The following DENND4A variants were observed in gnomAD, a reference collection of about 807,000 sequenced individuals.
DENND4A encodes the protein DENN domain containing 4A, also known as C-myc promoter-binding protein.
In DENND4A, 70 loss-of-function variants were observed where a neutral mutation model predicts 199.3. That is an observed-to-expected ratio of 0.35 (90% CI 0.29 to 0.43). DENND4A has a LOEUF of 0.43. Ranked by LOEUF, DENND4A falls within the 20% of genes least tolerant of loss-of-function variation. DENND4A has a pLI of 1.00. For synonymous variants in DENND4A, 686 were observed against 766.9 expected (o/e 0.89, Z 1.74); for missense variants, 1,723 against 2,255.8 (o/e 0.76, Z 4.78).
chr15:65,694,282 C>T (rs1271056575), intron 22 of DENND4A, among the ~76,000 whole-genome samples: 1 of 152,114 alleles, frequency 6.6e-6, no homozygotes, highest in African/African-American at 2.4e-5. Flanking sequence ...AACTCCGTCT[C>T]TACTAAAAAT....
chr15:65,751,306 G>T (rs2076555417), intron 4 of DENND4A, among the ~76,000 whole-genome samples: 1 of 152,208 alleles, frequency 6.6e-6, no homozygotes, highest in African/African-American at 2.4e-5. Context: ...AGGTTTTTCA[G>T]TGTGAGTTAC....
chr15:65,716,714 A>G (rs866236556), intron 13 of DENND4A, among the ~76,000 whole-genome samples: 2 of 151,714 alleles, frequency 1.3e-5, no homozygotes, highest in Non-Finnish European at 2.9e-5. Context: ...ATACGTGTGC[A>G]TGTGTCTTTA....
chr15:65,668,186 G>A, intron 27 of DENND4A, 63 bp from the exon 28 acceptor site: 1 of 1,172,246 alleles, frequency 8.5e-7, no homozygotes, highest in Non-Finnish European at 1.2e-6. Context: ...TCATCAACAA[G>A]GATCATGTTC....
chr15:65,765,905 T>C (rs1246836247), intron 1 of DENND4A, among the ~76,000 whole-genome samples: 1 of 152,170 alleles, frequency 6.6e-6, no homozygotes, highest in Non-Finnish European at 1.5e-5. Context: ...ACAAAGTACA[T>C]ACGGCCAATG....
intron 23 of DENND4A, among the ~76,000 whole-genome samples, chr15:65,685,751 T>C (rs2076755400): frequency 6.6e-6 from 1 of 152,228 alleles, no homozygotes. Flanking sequence ...CATGCAGATA[T>C]CCAATTATCT....
Position 65,691,321 on chromosome 15 carries a change from A to G in DENND4A, c.3273T>C (p.Ile1091=), listed in dbSNP as rs774971484. The part of the protein sequence containing the change: ...GVLMGFMLNR[I]NQEATPGDIV... ...TATCTCCAGGGGTTGCTTCCTGGTTAATTCTATTGAGCATAAATCCCATCA... is the reference window on the plus strand; with the variant it reads ...TATCTCCAGGGGTTGCTTCCTGGTTGATTCTATTGAGCATAAATCCCATCA... Residue 1091 remains isoleucine, a synonymous_variant, in exon 23 of 33, where the codon ATT becomes ATC. Coordinates refer to ENST00000443035, the MANE Select transcript of DENND4A (RefSeq NM_001320835.1). 3 of 1,613,494 alleles carry G rather than the reference A, an allele frequency of 1.9e-6. No individual in the cohort carries two copies. The highest frequency in any genetic ancestry group is 3.3e-5 in the Admixed American group (2 of 59,900).
chr15:65,696,421 A>T lies in DENND4A; in HGVS notation c.3027T>A (p.Val1009=). The change falls in exon 22 of 33, where the codon GTT becomes GTA. Residue 1009 remains valine (V), a synonymous_variant. Transcript: ENST00000443035. Reference sequence around the variant, plus strand: ...TGTTGTTACTTGTACCAGTGAGGCGAACGATACTGGAAGAATTTTGATAAC... The same window carrying T: ...TGTTGTTACTTGTACCAGTGAGGCGTACGATACTGGAAGAATTTTGATAAC... ...KLSYQNSSSI[V]RLTGTSNNSA... 6.2e-7 allele frequency: 1 copy of T among 1,612,904 alleles called. No homozygotes were observed. Among genetic ancestry groups the T allele is most frequent in the Admixed American group, 1.7e-5 (1 of 59,902 alleles).
intron 23 of DENND4A, among the ~76,000 whole-genome samples, chr15:65,685,131 A>AT (rs755319285): frequency 0.022 from 2,967 of 136,298 alleles, 39 homozygotes; most frequent in African/African-American, 0.044. Context: ...CCCGCCCACA[A>AT]TTTTTTTTTT....
chr15:65,660,253 TTTAA>T lies in DENND4A; in HGVS notation c.*1594_*1597del. 1 of 1,529,690 alleles carries T rather than the reference TTTAA, an allele frequency of 6.5e-7. No individual in the cohort carries two copies. Among genetic ancestry groups the T allele is most frequent in the South Asian group, 1.2e-5 (1 of 83,936 alleles). The allele number at this position is 1,529,690 out of a possible 1,614,324, so 94.8% of individuals were successfully genotyped here. On this transcript the variant is annotated 3_prime_UTR_variant, in exon 33 of 33. Coordinates refer to ENST00000443035, the MANE Select transcript of DENND4A (RefSeq NM_001320835.1). ...CCCAAACTAACTGAAGTTTTACATT[TTTAA>T]ACTCTCTCCATTATTTCCCAGAGTT...
intron 23 of DENND4A, among the ~76,000 whole-genome samples, chr15:65,684,631 C>T (rs961329998): frequency 8.5e-5 from 13 of 152,100 alleles, no homozygotes; most frequent in South Asian, 2.1e-4. Flanking sequence ...ACAGAATTTG[C>T]GTATCTTTTC....
intron 2 of DENND4A, among the ~76,000 whole-genome samples, chr15:65,760,511 T>TA (rs2076826901): frequency 6.6e-6 from 1 of 150,528 alleles, no homozygotes; most frequent in Admixed American, 6.6e-5. Flanking sequence ...AATAAATAAA[T>TA]AAATAAATAA....
intron 8 of DENND4A, 47 bp downstream of exon 8, chr15:65,732,705 C>T (rs138017342): frequency 1.8e-6 from 2 of 1,090,762 alleles, no homozygotes; most frequent in East Asian, 2.4e-5. Context: ...TTTGACAGAG[C>T]CAATAACAAC....
At chr15:65,775,144 C>T (rs965359889) in intron 1 of DENND4A, among the ~76,000 whole-genome samples, 1 of 152,006 alleles carries the variant, frequency 6.6e-6, no homozygotes, top group Admixed American at 6.6e-5. Flanking sequence ...ACTAACAAAC[C>T]AACCACTATT....
intron 23 of DENND4A, among the ~76,000 whole-genome samples, chr15:65,684,212 C>T (rs1304599398): frequency 6.6e-6 from 1 of 152,118 alleles, no homozygotes; most frequent in East Asian, 1.9e-4. Context: ...TCTATGTTTT[C>T]ATTTCTCTTG....
chr15:65,742,333 G>A (rs927617711), intron 4 of DENND4A, among the ~76,000 whole-genome samples: 7 of 152,042 alleles, frequency 4.6e-5, no homozygotes, highest in African/African-American at 1.4e-4. Context: ...ACCCAGGCTG[G>A]AGTGCAGTGG....
intron 22 of DENND4A, among the ~76,000 whole-genome samples, chr15:65,693,031 TG>T (rs1340894939): frequency 1.3e-5 from 2 of 152,218 alleles, no homozygotes; most frequent in African/African-American, 4.8e-5. Flanking sequence ...AGAGATTCTA[TG>T]TGCCCTGCAA....
chr15:65,663,183 T>C (rs2075912827), intron 32 of DENND4A, among the ~76,000 whole-genome samples: 1 of 125,000 alleles, frequency 8.0e-6, no homozygotes, highest in Non-Finnish European at 1.6e-5. Flanking sequence ...TGTGTATATA[T>C]ATATATATAT....
At chr15:65,687,871 TTTTGAG>T (rs1285793477) in intron 23 of DENND4A, among the ~76,000 whole-genome samples, 6 of 152,196 alleles carry the variant, frequency 3.9e-5, no homozygotes, top group African/African-American at 1.4e-4. Flanking sequence ...GCAAGTGTGG[TTTTGAG>T]TTTAATTCTG....
chr15:65,679,562 G>A (rs1296856996), intron 23 of DENND4A, among the ~76,000 whole-genome samples: 1 of 150,926 alleles, frequency 6.6e-6, no homozygotes, highest in Admixed American at 6.6e-5. Flanking sequence ...GTAGGGTTTT[G>A]CTCTGTCATC....
Sources: gnomAD v4.1 joint callset for allele counts (sites outside exome capture counted in the v4.1 genomes callset) on GRCh38, gnomAD v4.1.1 for gene constraint, MANE v1.5 for transcripts, NCBI Gene and HGNC (gene_info 2026-07-23, HGNC 2026-07-21) for gene names.